The following FGF13 variants were observed in gnomAD, a reference collection of about 807,000 sequenced individuals.
The protein encoded by FGF13 is fibroblast growth factor 13.
FGF13 carries 2 observed loss-of-function variants against 19.5 expected under a neutral mutation model. That is an observed-to-expected ratio of 0.10 (90% CI 0.04 to 0.32). The LOEUF (loss-of-function observed/expected upper bound fraction) is 0.32, where lower values mean the gene tolerates loss of function less well. Among genes scored for constraint, FGF13 ranks in the 10% least tolerant of loss-of-function variants. The pLI is 1.00. For synonymous variants in FGF13, 72 were observed against 76.9 expected, an observed-to-expected ratio of 0.94 and a Z score of 0.33; for missense variants, 113 against 192.7, an observed-to-expected ratio of 0.59 and a Z score of 2.45.
intron 1 of FGF13, among the ~76,000 whole-genome samples, chrX:139,043,692 T>C (rs1430239755): frequency 9.0e-6 from 1 of 111,714 alleles, no homozygotes; most frequent in Non-Finnish European, 1.9e-5. Flanking sequence ...CTAGTCACAA[T>C]AGCCAAAAAG....
intron 1 of FGF13, among the ~76,000 whole-genome samples, chrX:139,040,060 T>G (rs754758076): frequency 2.7e-5 from 3 of 112,503 alleles, no homozygotes; most frequent in East Asian, 2.8e-4. Context: ...ACCCTAATGT[T>G]CACCAACGTC....
chrX:138,739,156 T>C, intron 1 of FGF13: 1 of 580,175 alleles, frequency 1.7e-6, no homozygotes, highest in Non-Finnish European at 2.9e-6. Flanking sequence ...CCTGGTATAA[T>C]TTTGTTAATT....
In FGF13 at chrX:138,836,623, G is replaced by A. The variant is rs188336236; in HGVS notation, c.217+20889C>T. ...CATAATTTTTAGCTTCCTTGCATTG[G>A]GTTACAATGTACTCCTTTAGCTCAG... On this transcript the variant is annotated intron_variant, in intron 3 of 6. Coordinates refer to the FGF13 transcript ENST00000436198. Among the ~76,000 whole-genome samples the A allele has an allele frequency of 2.0e-4, 22 of 111,490 alleles. No homozygotes were observed. In the East Asian group the frequency reaches 2.6e-3, roughly 13 times the overall value.
At chrX:138,791,239 A>G (rs748953899) in intron 3 of FGF13, among the ~76,000 whole-genome samples, 2 of 112,121 alleles carry the variant, frequency 1.8e-5, no homozygotes, top group African/African-American at 3.2e-5. Flanking sequence ...ACCATCTTAT[A>G]TAGGGCACTA....
intron 1 of FGF13, among the ~76,000 whole-genome samples, chrX:138,884,157 A>G (rs990457873): frequency 7.1e-5 from 8 of 112,165 alleles, no homozygotes; most frequent in African/African-American, 2.3e-4. Flanking sequence ...GGACTACTAC[A>G]GGTGTTGGAG....
chrX:138,971,363 T>G (rs113650859), intron 1 of FGF13, among the ~76,000 whole-genome samples: 1 of 94,659 alleles, frequency 1.1e-5, no homozygotes, highest in African/African-American at 3.7e-5. Flanking sequence ...ATTGCTAGGG[T>G]TTTTGTTTTT....
intron 3 of FGF13, among the ~76,000 whole-genome samples, chrX:138,813,401 C>G (rs758549396): frequency 1.6e-4 from 18 of 111,657 alleles, no homozygotes; most frequent in African/African-American, 5.2e-4. Context: ...TTCCTTCATT[C>G]TAATTCTCCC....
chrX:139,146,682 C>T (rs997296152), intron 1 of FGF13, among the ~76,000 whole-genome samples: 5 of 111,643 alleles, frequency 4.5e-5, no homozygotes, highest in African/African-American at 9.8e-5. Flanking sequence ...ATGTTTATAG[C>T]GGCACTACTC....
At chrX:139,136,112 T>C (rs1249308992) in intron 1 of FGF13, among the ~76,000 whole-genome samples, 1 of 112,097 alleles carries the variant, frequency 8.9e-6, no homozygotes, top group Non-Finnish European at 1.9e-5. Context: ...AGGGCTACCC[T>C]TGCCCTCTGC....
chrX:138,843,094 C>T (rs2091160530), intron 3 of FGF13, among the ~76,000 whole-genome samples: 1 of 111,698 alleles, frequency 9.0e-6, no homozygotes, highest in African/African-American at 3.3e-5. Flanking sequence ...GTAATAAATA[C>T]TAAAGCTCTG....
intron 1 of FGF13, among the ~76,000 whole-genome samples, chrX:139,105,432 C>T (rs187105044): frequency 9.0e-6 from 1 of 111,615 alleles, no homozygotes; most frequent in East Asian, 2.8e-4. Flanking sequence ...ATGCAGGTTC[C>T]AAATTCTATA....
chrX:138,929,265 GTC>G lies in FGF13; in HGVS notation c.-112-64617_-112-64616del, dbSNP rs1556301167. ...TGTGTGTGTGTGTGTGTGTGTGTGT[GTC>G]TCTCTGTGTGTGTGTGTTTAGTGTG... is the stretch of plus-strand genomic sequence containing the variant. On this transcript the variant is annotated intron_variant, in intron 1 of 2. Transcript: ENST00000421460. 1.8e-4 allele frequency among the ~76,000 whole-genome samples: 19 copies of G among 108,129 alleles called. No homozygotes were observed. The East Asian group carries it at 2.0e-3, about 12-fold the overall frequency. 93.9% of individuals were successfully genotyped at this position (108,129 alleles called of 115,157 possible).
At chrX:138,926,198 A>T (rs1338940554) in intron 1 of FGF13, among the ~76,000 whole-genome samples, 1 of 111,768 alleles carries the variant, frequency 8.9e-6, no homozygotes, top group African/African-American at 3.3e-5. Context: ...TCTTCTGAAA[A>T]ATCTGAAGAT....
chrX:139,012,749 A>T (rs367694552), intron 1 of FGF13, among the ~76,000 whole-genome samples: 1 of 112,317 alleles, frequency 8.9e-6, no homozygotes. Flanking sequence ...AGATTTTAGA[A>T]TATAACATTG....
At chrX:138,767,806 T>C (rs759697050) in intron 3 of FGF13, among the ~76,000 whole-genome samples, 22 of 112,377 alleles carry the variant, frequency 2.0e-4, no homozygotes, top group Non-Finnish European at 3.8e-4. Context: ...ACATCAGTGT[T>C]CCCATCTGTG....
intron 1 of FGF13, among the ~76,000 whole-genome samples, chrX:139,140,018 GT>G (rs990009354): frequency 9.0e-6 from 1 of 110,936 alleles, no homozygotes; most frequent in African/African-American, 3.3e-5. Context: ...ACTCAACTTA[GT>G]TCATATCTTT....
At chrX:139,122,381 A>G (rs757436951) in intron 1 of FGF13, among the ~76,000 whole-genome samples, 1 of 111,489 alleles carries the variant, frequency 9.0e-6, no homozygotes, top group African/African-American at 3.3e-5. Context: ...CAGAAATCAT[A>G]AGGAGGTGGA....
intron 3 of FGF13, among the ~76,000 whole-genome samples, chrX:138,841,594 C>T (rs2091150385): frequency 9.1e-6 from 1 of 110,447 alleles, no homozygotes; most frequent in African/African-American, 3.3e-5. Context: ...ACATGAGTCA[C>T]TGAGGACACT....
Position 138,710,908 on chromosome X carries a change from G to C in FGF13, c.96C>G (p.Ser32Arg). 1.6e-6 allele frequency: 2 copies of C among 1,212,225 alleles called. No homozygotes were observed. Among genetic ancestry groups the C allele is most frequent in the Non-Finnish European group, 2.2e-6 (2 of 895,648 alleles). Reference protein sequence around the residue: ...SNACKCVSSPSKGKTSCDKNK... With the variant: ...SNACKCVSSPRKGKTSCDKNK... ...TTTTGTCGCAGCTGGTCTTGCCTTT[G>C]CTGGGGCTGCTGACACACTTGCAGG... The change falls in exon 1 of 5, where the codon AGC becomes AGG. Residue 32 changes from serine (S) to arginine (R), a missense_variant. Ser to Arg is a moderately radical substitution (Grantham distance 110, BLOSUM62 -1). Transcript: ENST00000315930.
Sources: allele counts gnomAD v4.1 joint callset (sites outside exome capture counted in the v4.1 genomes callset), GRCh38; gene constraint gnomAD v4.1.1; transcripts MANE v1.5; gene names NCBI Gene and HGNC (gene_info 2026-07-23, HGNC 2026-07-21).